Variants in LMO7 observed in about 807,000 individuals in gnomAD.
LMO7 encodes LIM domain 7.
LMO7 carries 120 observed loss-of-function variants against 206.5 expected under a neutral mutation model. The ratio of observed to expected loss-of-function variants is 0.58; its 90% CI spans 0.50 to 0.68. LMO7 has a LOEUF of 0.68. LMO7 is among the 30% of genes least tolerant of loss of function. LMO7 has a pLI of 0.00. For synonymous variants in LMO7, 706 were observed against 681.5 expected (o/e 1.04, Z -0.56); for missense variants, 1,959 against 1,957.9 (o/e 1.00, Z -0.01).
Position 75,647,951 on chromosome 13 carries a change from C to CTTTTTTTTTTTTTTT in LMO7, c.69+11229_69+11243dup, listed in dbSNP as rs570513211. Among the ~76,000 whole-genome samples the CTTTTTTTTTTTTTTT allele has an allele frequency of 1.5e-3, 135 of 91,120 alleles. 4 individuals carry two copies. The highest frequency in any genetic ancestry group is 2.3e-3 in the South Asian group (5 of 2,208). 59.8% of individuals were successfully genotyped at this position (91,120 alleles called of 152,430 possible). Reference sequence around the variant, plus strand: ...GATTTTCTCTTGTTTTCTTTTCTTTCTTTTTTTTTTTTTTTTTTGAGACAG... The same window carrying CTTTTTTTTTTTTTTT: ...GATTTTCTCTTGTTTTCTTTTCTTTCTTTTTTTTTTTTTTTTTTTTTTTTTTTTTTTTTGAGACAG... On this transcript the variant is annotated intron_variant, in intron 1 of 30. Coordinates refer to ENST00000377534, the MANE Select transcript of LMO7 (RefSeq NM_001306080.2).
At position 75,805,753 on chromosome 13, in the gene LMO7, G is replaced by A. The variant is rs748803322; in HGVS notation, c.1189G>A (p.Gly397Arg). Residue 397 changes from glycine to arginine, a missense_variant, in exon 9 of 31, where the codon GGA (glycine) becomes AGA (arginine). By Grantham distance (125) the Gly-to-Arg change is moderately radical (BLOSUM62 -2). Transcript: ENST00000377534. The stretch of plus-strand genomic sequence containing the variant: ...TAAGCCATGGTATAAAGAATTTCAG[G>A]GATTCAGGTTTGTCGTTGTGCATGT... Reference protein sequence around the residue: ...TYKPWYKEFQGFSQFLLLQAL... With the variant: ...TYKPWYKEFQRFSQFLLLQAL... 1 of 1,613,306 alleles carries A rather than the reference G, an allele frequency of 6.2e-7. No individual in the cohort carries two copies. Among genetic ancestry groups the A allele is most frequent in the Admixed American group, 1.7e-5 (1 of 59,962 alleles).
chr13:75,673,937 A>C (rs1352816173), intron 1 of LMO7, among the ~76,000 whole-genome samples: 1 of 152,166 alleles, frequency 6.6e-6, no homozygotes, highest in Non-Finnish European at 1.5e-5. Context: ...CTGTTTCTTA[A>C]ATATACTGAA....
chr13:75,733,041 G>C (rs1377043442), intron 3 of LMO7, among the ~76,000 whole-genome samples: 1 of 152,170 alleles, frequency 6.6e-6, no homozygotes. Context: ...CTACTGGGGG[G>C]TGCCTCCCAG....
At chr13:75,746,362 A>C (rs9600545) in intron 3 of LMO7, among the ~76,000 whole-genome samples, 2,232 of 152,304 alleles carry the variant, frequency 0.015, 54 homozygotes, top group African/African-American at 0.049. Context: ...TGTGATTATT[A>C]AGAAATGGGG....
At chr13:75,692,110 T>C (rs1285765045) in intron 1 of LMO7, among the ~76,000 whole-genome samples, 1 of 152,240 alleles carries the variant, frequency 6.6e-6, no homozygotes, top group Non-Finnish European at 1.5e-5. Context: ...CATTATGTAG[T>C]CTGCACAAGC....
At chr13:75,663,511 A>C (rs1263340154) in intron 1 of LMO7, among the ~76,000 whole-genome samples, 1 of 147,910 alleles carries the variant, frequency 6.8e-6, no homozygotes, top group Non-Finnish European at 1.5e-5. Flanking sequence ...GCTCACTGCA[A>C]GCTCTGCCTC....
At chr13:75,781,034 TATAATTATCTAATGGAAAAG>T (rs2051253472) in intron 4 of LMO7, among the ~76,000 whole-genome samples, 1 of 151,364 alleles carries the variant, frequency 6.6e-6, no homozygotes, top group Non-Finnish European at 1.5e-5. Context: ...AAAATACATT[TATAATTATCTAATGGAAAAG>T]ATGATGTCTT....
chr13:75,745,977 A>G (rs916218672), intron 3 of LMO7, among the ~76,000 whole-genome samples: 1 of 152,130 alleles, frequency 6.6e-6, no homozygotes, highest in African/African-American at 2.4e-5. Flanking sequence ...CTTTCAATAT[A>G]TATCCGGTTG....
chr13:75,701,913 T>C (rs2042308878), intron 1 of LMO7, among the ~76,000 whole-genome samples: 1 of 152,184 alleles, frequency 6.6e-6, no homozygotes, highest in Non-Finnish European at 1.5e-5. Flanking sequence ...TGTACATAAA[T>C]TGCCAGTCCT....
At chr13:75,776,094 GATATAT>G (rs58885943) in intron 4 of LMO7, among the ~76,000 whole-genome samples, 5 of 103,590 alleles carry the variant, frequency 4.8e-5, no homozygotes, top group Admixed American at 4.3e-4. Flanking sequence ...AAATGTTGTG[GATATAT>G]ATATATATAT....
upstream of LMO7, chr13:75,636,168 C>A: frequency 2.6e-6 from 1 of 380,206 alleles, no homozygotes; most frequent in Non-Finnish European, 3.6e-6. Flanking sequence ...ATCTCCCGGG[C>A]CAGACAGTCT....
chr13:75,743,938 C>T (rs1024524009), intron 3 of LMO7, among the ~76,000 whole-genome samples: 1 of 152,144 alleles, frequency 6.6e-6, no homozygotes, highest in Admixed American at 6.5e-5. Context: ...GTCTATTTTA[C>T]TGGAACTTCT....
chr13:75,795,511 T>C, intron 5 of LMO7, 80 bp downstream of exon 5: 1 of 935,876 alleles, frequency 1.1e-6, no homozygotes. Context: ...AATCTAAAAG[T>C]ATACTCTACA....
rs1035701254 is a variant in LMO7 at position 75,727,038 on chromosome 13, T to A, written c.150T>A (p.Asn50Lys). ...ENGVLLCDLI[N>K]KLKPGVIKKI... ...ATTTATTTACTTTCAGTTTGATTAA[T>A]AAGCTTAAACCTGGCGTCATTAAGA... The change falls in exon 3 of 31, where the codon AAT (asparagine) becomes AAA (lysine). Residue 50 changes from asparagine (N) to lysine (K), a missense_variant. Physicochemically the swap from Asn to Lys is moderately conservative, Grantham distance 94. Transcript: ENST00000377534. 7.0e-6 allele frequency: 11 copies of A among 1,574,156 alleles called. No individual in the cohort carries two copies. The highest frequency in any genetic ancestry group is 8.7e-6 in the Non-Finnish European group (10 of 1,144,638).
At chr13:75,780,145 C>T (rs933783262) in intron 4 of LMO7, among the ~76,000 whole-genome samples, 1 of 152,146 alleles carries the variant, frequency 6.6e-6, no homozygotes, top group African/African-American at 2.4e-5. Context: ...ATGAGGTTCC[C>T]TGTCCCACTG....
chr13:75,633,980 G>A (rs1188433860), upstream of LMO7, among the ~76,000 whole-genome samples: 1 of 145,760 alleles, frequency 6.9e-6, no homozygotes, highest in Admixed American at 7.1e-5. Flanking sequence ...CCCAAATAGT[G>A]CCACCACGTC....
rs140602713 is a variant in LMO7, at chr13:75,707,140, A to G, written c.70-6042A>G. On this transcript the variant is annotated intron_variant, in intron 1 of 30. Transcript: ENST00000377534. ...CTTCTGAATGTTGTTCTTTTATATT[A>G]ATAAATTTATTTATAAATTTATATA... Among the ~76,000 whole-genome samples, 635 of 151,374 alleles carry G rather than the reference A, an allele frequency of 4.2e-3. 2 individuals carry two copies. Among genetic ancestry groups the G allele is most frequent in the Middle Eastern group, 0.014 (4 of 290 alleles).
intron 1 of LMO7, among the ~76,000 whole-genome samples, chr13:75,675,774 G>A (rs1274005142): frequency 3.3e-5 from 5 of 152,154 alleles, no homozygotes; most frequent in African/African-American, 1.2e-4. Flanking sequence ...TTATTTAGTT[G>A]AAGGAGTTGG....
upstream of LMO7, among the ~76,000 whole-genome samples, chr13:75,634,105 GGA>G (rs568619014): frequency 1.3e-4 from 19 of 151,582 alleles, no homozygotes; most frequent in South Asian, 3.6e-3. Context: ...TCCCAAAGTG[GGA>G]GAGTGTCCTT....
Sources: gnomAD v4.1 joint callset for allele counts (sites outside exome capture counted in the v4.1 genomes callset) on GRCh38, gnomAD v4.1.1 for gene constraint, MANE v1.5 for transcripts, NCBI Gene and HGNC (gene_info 2026-07-23, HGNC 2026-07-21) for gene names.